Variants in PAH observed in about 807,000 individuals in gnomAD.
PAH encodes phenylalanine-4-hydroxylase.
PAH carries 64 observed loss-of-function variants against 62.0 expected under a neutral mutation model. That is an observed-to-expected ratio of 1.03 (90% CI 0.84 to 1.27). The LOEUF is 1.27. Ranked by LOEUF, PAH falls within the 50% of genes most tolerant of loss-of-function variation. The probability of loss-of-function intolerance (pLI) is 0.00; values close to 1 mark genes in which losing one functional copy is unlikely to be tolerated. For missense variants in PAH, 579 were observed against 542.8 expected, an observed-to-expected ratio of 1.07 and a Z score of -0.66; for synonymous variants, 195 against 196.2, an observed-to-expected ratio of 0.99 and a Z score of 0.05.
intron 1 of PAH, among the ~76,000 whole-genome samples, chr12:102,936,262 C>A (rs1383730848): frequency 1.3e-5 from 2 of 151,970 alleles, no homozygotes; most frequent in South Asian, 2.1e-4. Flanking sequence ...AATATAATCT[C>A]AATTTTTGAA....
chr12:102,926,857 C>G (rs1166881284), intron 1 of PAH, among the ~76,000 whole-genome samples: 1 of 147,960 alleles, frequency 6.8e-6, no homozygotes, highest in Admixed American at 6.8e-5. Flanking sequence ...TAATATGCTA[C>G]TGTACCTCTC....
intron 1 of PAH, among the ~76,000 whole-genome samples, chr12:102,931,499 C>T (rs1444744154): frequency 6.6e-6 from 1 of 152,130 alleles, no homozygotes; most frequent in Admixed American, 6.5e-5. Context: ...GTAAGGATGT[C>T]TTAGGTAGAA....
chr12:102,873,598 C>A (rs1289218276), intron 4 of PAH, among the ~76,000 whole-genome samples: 1 of 152,202 alleles, frequency 6.6e-6, no homozygotes, highest in East Asian at 1.9e-4. Flanking sequence ...CATTCCAGTA[C>A]ACAGTGACCT....
At chr12:102,847,056 G>A (rs1874884519) in intron 8 of PAH, 105 bp from the exon 9 acceptor site, 2 of 852,740 alleles carry the variant, frequency 2.3e-6, no homozygotes, top group Non-Finnish European at 4.1e-6. Context: ...GATGCCTTCA[G>A]AACAGCCCAC....
At chr12:102,955,405 G>A (rs1003583153), upstream of PAH, among the ~76,000 whole-genome samples, 3 of 152,198 alleles carry the variant, frequency 2.0e-5, no homozygotes, top group African/African-American at 7.2e-5. Context: ...AAGGTTATAA[G>A]GCACCATTGT....
chr12:102,931,171 A>C (rs1878857474), intron 1 of PAH, among the ~76,000 whole-genome samples: 1 of 152,124 alleles, frequency 6.6e-6, no homozygotes, highest in Non-Finnish European at 1.5e-5. Flanking sequence ...TGTTCTAAAG[A>C]CATATTCATT....
chr12:102,941,071 C>A (rs1195372265), intron 1 of PAH, among the ~76,000 whole-genome samples: 2 of 152,120 alleles, frequency 1.3e-5, no homozygotes, highest in Admixed American at 6.5e-5. Context: ...TCCAGACCAA[C>A]TAAACTTCAA....
chr12:102,930,294 G>C (rs1592996464), intron 1 of PAH, among the ~76,000 whole-genome samples: 2 of 152,220 alleles, frequency 1.3e-5, no homozygotes, highest in South Asian at 4.2e-4. Context: ...TAAAGCTTTA[G>C]AGCCTCACAT....
At chr12:102,864,393 C>T (rs1475862889) in intron 5 of PAH, among the ~76,000 whole-genome samples, 1 of 152,076 alleles carries the variant, frequency 6.6e-6, no homozygotes, top group East Asian at 1.9e-4. Context: ...CGCAGTATCC[C>T]CTTTATGCAG....
intron 3 of PAH, among the ~76,000 whole-genome samples, chr12:102,881,699 G>C (rs796329322): frequency 6.6e-6 from 1 of 152,302 alleles, no homozygotes; most frequent in South Asian, 2.1e-4. Context: ...ATATAAGTGA[G>C]ATCAAGCAGT....
At chr12:102,949,229 A>G (rs1282921791) in intron 1 of PAH, among the ~76,000 whole-genome samples, 1 of 152,216 alleles carries the variant, frequency 6.6e-6, no homozygotes, top group Non-Finnish European at 1.5e-5. Flanking sequence ...CCAGGGCTAA[A>G]GTCATGCTGA....
rs1592985492 is a variant in PAH at position 102,906,668 on chromosome 12, C to A, written c.168+6123G>T. ...AGTGATTTAATCTTTAGATCACATGCATTAAGTGATTTAATCTTTAGATCA... is the reference window on the plus strand; with the variant it reads ...AGTGATTTAATCTTTAGATCACATGAATTAAGTGATTTAATCTTTAGATCA... On this transcript the variant is annotated intron_variant, in intron 2 of 12. Transcript: ENST00000553106. Among the ~76,000 whole-genome samples the A allele has an allele frequency of 4.0e-5, 6 of 151,334 alleles. No homozygotes were observed. In the South Asian group the frequency reaches 1.2e-3, roughly 31 times the overall value.
intron 4 of PAH, among the ~76,000 whole-genome samples, chr12:102,870,362 G>T (rs1592964383): frequency 6.6e-6 from 1 of 152,288 alleles, no homozygotes; most frequent in East Asian, 1.9e-4. Context: ...CCTGGGAGTG[G>T]CCAGTTTATC....
chr12:102,879,605 TGG>T (rs3062683), intron 3 of PAH, among the ~76,000 whole-genome samples: 35 of 139,422 alleles, frequency 2.5e-4, no homozygotes, highest in Admixed American at 1.4e-3. Context: ...ATTTTACCTG[TGG>T]GGGGGGGGTA....
chr12:102,909,157 C>T (rs1002469729), intron 2 of PAH, among the ~76,000 whole-genome samples: 6 of 152,058 alleles, frequency 3.9e-5, no homozygotes, highest in Admixed American at 6.5e-5. Context: ...AAGCTCCTCT[C>T]GGCTGTGACA....
At chr12:102,958,429 A>AGCAGCT (rs71438488), upstream of PAH, 44 of 1,548,802 alleles carry the variant, frequency 2.8e-5, no homozygotes, top group South Asian at 4.8e-4. Context: ...CAGCAGCAGC[A>AGCAGCT]GGCGCCGCAG....
chr12:102,952,704 C>T (rs1325966535), upstream of PAH, among the ~76,000 whole-genome samples: 3 of 152,152 alleles, frequency 2.0e-5, no homozygotes, highest in East Asian at 5.8e-4. Flanking sequence ...ACCCCACATT[C>T]CCTCCTTATC....
At position 102,911,137 on chromosome 12, in the gene PAH, C is replaced by A. The variant is rs76084693; in HGVS notation, c.168+1654G>T. On this transcript the variant is annotated intron_variant, in intron 2 of 12. Coordinates refer to ENST00000553106, the MANE Select transcript of PAH (RefSeq NM_000277.3). ...GGTAGGGGCTTGGCTGTCAGCCCAG[C>A]CCTGGCTGGACAGGGAACCCAGCAG... Among the ~76,000 whole-genome samples, 731 of 152,152 alleles carry A rather than the reference C, an allele frequency of 4.8e-3. 37 individuals carry two copies. In the East Asian group the frequency reaches 0.11, roughly 23 times the overall value.
intron 2 of PAH, among the ~76,000 whole-genome samples, chr12:102,909,728 G>A (rs953543753): frequency 6.6e-6 from 1 of 152,212 alleles, no homozygotes; most frequent in Non-Finnish European, 1.5e-5. Context: ...GGAGGCCAAG[G>A]CAGGCAGATG....
Sources: allele counts gnomAD v4.1 joint callset (sites outside exome capture counted in the v4.1 genomes callset), GRCh38; gene constraint gnomAD v4.1.1; transcripts MANE v1.5; gene names NCBI Gene and HGNC (gene_info 2026-07-23, HGNC 2026-07-21).